Variants in SLC35F4 observed in about 807,000 individuals in gnomAD.
SLC35F4 encodes chromosome 14 open reading frame 36.
SLC35F4 carries 24 observed loss-of-function variants against 44.2 expected under a neutral mutation model. The ratio of observed to expected loss-of-function variants is 0.54; its 90% CI spans 0.39 to 0.76. The LOEUF is 0.76. SLC35F4 is among the 30% of genes least tolerant of loss of function. The pLI is 0.00. For missense variants in SLC35F4, 562 were observed against 586.1 expected (o/e 0.96, Z 0.42); for synonymous variants, 238 against 223.6 (o/e 1.06, Z -0.57).
chr14:57,640,937 TAA>T (rs1044472116), intron 1 of SLC35F4, among the ~76,000 whole-genome samples: 6 of 152,008 alleles, frequency 3.9e-5, no homozygotes, highest in African/African-American at 1.4e-4. Context: ...ATAGAAAATA[TAA>T]GTTTATATGA....
intron 1 of SLC35F4, among the ~76,000 whole-genome samples, chr14:57,757,319 T>C (rs1218637026): frequency 6.6e-6 from 1 of 152,206 alleles, no homozygotes; most frequent in Non-Finnish European, 1.5e-5. Context: ...GTAACAGCAT[T>C]ATATTTAGGT....
intron 1 of SLC35F4, among the ~76,000 whole-genome samples, chr14:57,744,281 A>G (rs1192605320): frequency 6.6e-6 from 1 of 152,228 alleles, no homozygotes; most frequent in African/African-American, 2.4e-5. Flanking sequence ...AGAGGAAGTC[A>G]AATTGTCCCT....
intron 1 of SLC35F4, among the ~76,000 whole-genome samples, chr14:57,647,236 A>G (rs998709882): frequency 4.0e-5 from 6 of 150,948 alleles, no homozygotes; most frequent in Non-Finnish European, 7.4e-5. Context: ...AAAGTCTCCC[A>G]TTATTATTGT....
intron 1 of SLC35F4, among the ~76,000 whole-genome samples, chr14:57,910,102 G>A (rs992562384): frequency 5.3e-5 from 8 of 152,016 alleles, no homozygotes; most frequent in African/African-American, 1.9e-4. Flanking sequence ...GTCTTCTTTG[G>A]TGAGGTATCT....
intron 1 of SLC35F4, among the ~76,000 whole-genome samples, chr14:57,601,493 T>C (rs2070822553): frequency 6.6e-6 from 1 of 152,156 alleles, no homozygotes; most frequent in African/African-American, 2.4e-5. Context: ...CCCCAATGTC[T>C]ATTGCTGCCA....
At chr14:57,738,247 T>A (rs1246923432) in intron 1 of SLC35F4, among the ~76,000 whole-genome samples, 2 of 152,182 alleles carry the variant, frequency 1.3e-5, no homozygotes, top group African/African-American at 4.8e-5. Context: ...CTCACATACA[T>A]CTCAGTGTCA....
chr14:57,963,092 A>T (rs1016838399), intron 1 of SLC35F4, among the ~76,000 whole-genome samples: 4 of 152,208 alleles, frequency 2.6e-5, no homozygotes, highest in Non-Finnish European at 5.9e-5. Context: ...TCACTCCTTC[A>T]TCTAGACCCT....
intron 3 of SLC35F4, among the ~76,000 whole-genome samples, chr14:57,582,737 C>T (rs573496335): frequency 1.8e-4 from 28 of 152,266 alleles, no homozygotes; most frequent in African/African-American, 5.3e-4. Context: ...AATCTATTTA[C>T]AGGACTCTAG....
At chr14:57,845,226 G>A (rs556967059) in intron 1 of SLC35F4, among the ~76,000 whole-genome samples, 2 of 152,276 alleles carry the variant, frequency 1.3e-5, no homozygotes, top group East Asian at 3.9e-4. Flanking sequence ...TCTCTCTAGT[G>A]GAGTATGGAT....
At chr14:57,784,017 T>A (rs776548379) in intron 1 of SLC35F4, among the ~76,000 whole-genome samples, 1 of 152,220 alleles carries the variant, frequency 6.6e-6, no homozygotes, top group Non-Finnish European at 1.5e-5. Flanking sequence ...AACTGTCTGA[T>A]GTTTTGTATG....
chr14:57,794,827 A>G (rs533117827), intron 1 of SLC35F4, among the ~76,000 whole-genome samples: 18 of 152,228 alleles, frequency 1.2e-4, no homozygotes, highest in Admixed American at 3.9e-4. Context: ...CATGAGTCCA[A>G]GTAAAACATA....
chr14:57,927,470 T>C (rs549143859), intron 1 of SLC35F4, among the ~76,000 whole-genome samples: 8 of 151,500 alleles, frequency 5.3e-5, no homozygotes, highest in South Asian at 2.1e-4. Flanking sequence ...GGTTTGAGTT[T>C]TTTTTTTTTA....
chr14:57,690,985 T>G (rs1182301092), intron 1 of SLC35F4, among the ~76,000 whole-genome samples: 1 of 151,922 alleles, frequency 6.6e-6, no homozygotes, highest in Admixed American at 6.6e-5. Flanking sequence ...AGAGCAGGGG[T>G]CCCCAACCCT....
At chr14:57,630,001 GGT>G in intron 1 of SLC35F4, 1 of 530,878 alleles carries the variant, frequency 1.9e-6, no homozygotes, top group Non-Finnish European at 3.8e-6. Flanking sequence ...TGGTCATTAT[GGT>G]CCTATAGTTG....
intron 1 of SLC35F4, among the ~76,000 whole-genome samples, chr14:57,828,800 A>G (rs1884056141): frequency 6.6e-6 from 1 of 152,196 alleles, no homozygotes; most frequent in African/African-American, 2.4e-5. Flanking sequence ...TGAAGGATTC[A>G]GCAATTCTGC....
chr14:57,741,040 T>G (rs2076593718), intron 1 of SLC35F4, among the ~76,000 whole-genome samples: 1 of 152,056 alleles, frequency 6.6e-6, no homozygotes, highest in African/African-American at 2.4e-5. Context: ...GAAGGAAAAC[T>G]AACAAACAGA....
At chr14:57,787,954 G>C (rs931059060) in intron 1 of SLC35F4, among the ~76,000 whole-genome samples, 3 of 152,150 alleles carry the variant, frequency 2.0e-5, no homozygotes, top group African/African-American at 7.2e-5. Context: ...TGGTCTAAAT[G>C]CTCCACTTAA....
chr14:57,734,145 A>G (rs2076411292), intron 1 of SLC35F4, among the ~76,000 whole-genome samples: 2 of 152,182 alleles, frequency 1.3e-5, no homozygotes, highest in Non-Finnish European at 2.9e-5. Flanking sequence ...ATTGAGATAT[A>G]GGCTGGAATT....
intron 3 of SLC35F4, among the ~76,000 whole-genome samples, chr14:57,582,349 C>A (rs1034050498): frequency 2.0e-5 from 3 of 152,134 alleles, no homozygotes; most frequent in Non-Finnish European, 4.4e-5. Flanking sequence ...GCACGCACCA[C>A]CATGCCAGGC....
Sources: gnomAD v4.1 joint callset for allele counts (sites outside exome capture counted in the v4.1 genomes callset) on GRCh38, gnomAD v4.1.1 for gene constraint, MANE v1.5 for transcripts, NCBI Gene and HGNC (gene_info 2026-07-23, HGNC 2026-07-21) for gene names.